Variants in CDS1 observed in about 807,000 individuals in gnomAD.
CDS1 encodes the protein CDP-diacylglycerol synthase 1.
A neutral mutation model predicts 62.1 loss-of-function variants in CDS1; 41 were observed. The observed-to-expected ratio is 0.66, with a 90% CI of 0.51 to 0.86. CDS1 has a LOEUF of 0.86. CDS1 is among the 40% of genes least tolerant of loss of function. CDS1 has a pLI of 0.00. For synonymous variants in CDS1, 185 were observed against 192.6 expected (o/e 0.96, Z 0.32); for missense variants, 470 against 550.1 (o/e 0.85, Z 1.46).
chr4:84,608,595 C>A (rs185251721), intron 2 of CDS1, among the ~76,000 whole-genome samples: 52 of 152,304 alleles, frequency 3.4e-4, no homozygotes, highest in African/African-American at 1.2e-3. Context: ...AGGTAACTGG[C>A]ACCTCACTCC....
At chr4:84,619,992 A>G (rs980218916) in intron 5 of CDS1, among the ~76,000 whole-genome samples, 2 of 147,740 alleles carry the variant, frequency 1.4e-5, no homozygotes, top group African/African-American at 5.0e-5. Context: ...AGATCACGCC[A>G]TTGCACTCCA....
rs1306580006 is a variant in CDS1, at chr4:84,645,400, T to C, written c.1256+75T>C. 4 of 928,390 alleles carry C rather than the reference T, an allele frequency of 4.3e-6. No homozygotes were observed. The African/African-American group carries it at 6.6e-5, about 15-fold the overall frequency. The allele number at this position is 928,390 out of a possible 1,614,324, so 57.5% of individuals were successfully genotyped here. On this transcript the variant is annotated intron_variant, in intron 12 of 12. Coordinates refer to ENST00000295887, the MANE Select transcript of CDS1 (RefSeq NM_001263.4). ...TTCCATCAACATTAGTTTGAGTAAG[T>C]TAACTTTTTCCGTCAATGGTAATCT...
rs1172881603 is a variant in CDS1 at position 84,599,913 on chromosome 4, TGGG to T, written c.118-4329_118-4327del. Among the ~76,000 whole-genome samples, 3 of 152,152 alleles carry T rather than the reference TGGG, an allele frequency of 2.0e-5. No homozygotes were observed. In the East Asian group the frequency reaches 5.8e-4, roughly 29 times the overall value. On this transcript the variant is annotated intron_variant, in intron 1 of 12. Transcript: ENST00000295887. ...GGTAAATACCTAGGAGTGAAATGGC[TGGG>T]TCAGTTGTTGGTTGTATATGTAATT...
intron 3 of CDS1, among the ~76,000 whole-genome samples, chr4:84,615,171 ATTTT>A (rs1253593512): frequency 2.0e-5 from 3 of 151,890 alleles, no homozygotes; most frequent in African/African-American, 7.3e-5. Context: ...CCTTGGTGTT[ATTTT>A]GTGTTCCCTT....
At chr4:84,599,395 CACACACACACATATATATATATATATAT>C (rs1357109892) in intron 1 of CDS1, among the ~76,000 whole-genome samples, 1 of 121,622 alleles carries the variant, frequency 8.2e-6, no homozygotes, top group African/African-American at 3.4e-5. Flanking sequence ...CAAATTTTGA[CACACACACACATATATATATATATATAT>C]ATATATATAT....
chr4:84,622,008 A>G (rs1213952096), intron 5 of CDS1, among the ~76,000 whole-genome samples: 1 of 152,214 alleles, frequency 6.6e-6, no homozygotes, highest in African/African-American at 2.4e-5. Flanking sequence ...TTATCAAAGC[A>G]CATTTGTGCA....
At chr4:84,627,278 A>G (rs1179430648) in intron 5 of CDS1, among the ~76,000 whole-genome samples, 1 of 152,202 alleles carries the variant, frequency 6.6e-6, no homozygotes, top group Non-Finnish European at 1.5e-5. Flanking sequence ...AAATTAAATG[A>G]CTTGTTTAAT....
chr4:84,618,912 C>T (rs745670475), intron 4 of CDS1, among the ~76,000 whole-genome samples: 7 of 152,034 alleles, frequency 4.6e-5, no homozygotes, highest in Non-Finnish European at 7.4e-5. Flanking sequence ...TGAGTAGTTA[C>T]GAGTTAATTT....
chr4:84,599,651 A>G (rs1000183194), intron 1 of CDS1, among the ~76,000 whole-genome samples: 2 of 151,788 alleles, frequency 1.3e-5, no homozygotes, highest in African/African-American at 4.9e-5. Context: ...TATATGTATT[A>G]CATGTACATT....
rs138601740 is a variant in CDS1, at chr4:84,620,889, C to T, written c.580+1356C>T. ...CAGCCTGACCAACATGGAGAAACCC[C>T]GTCTCTACTAAAAATACAGAATTAG... is the stretch of plus-strand genomic sequence containing the variant. On this transcript the variant is annotated intron_variant, in intron 5 of 12. Coordinates refer to ENST00000295887, the MANE Select transcript of CDS1 (RefSeq NM_001263.4). 1.5e-3 allele frequency among the ~76,000 whole-genome samples: 234 copies of T among 152,100 alleles called. 1 individual carries two copies. Among genetic ancestry groups the T allele is most frequent in the African/African-American group, 5.3e-3 (218 of 41,498 alleles).
chr4:84,639,035 AT>A (rs1195467398), intron 9 of CDS1, 43 bp downstream of exon 9: 1 of 935,842 alleles, frequency 1.1e-6, no homozygotes, highest in African/African-American at 1.7e-5. Context: ...ATTTCGAAAT[AT>A]GATACCAAGC....
intron 12 of CDS1, 58 bp from the exon 13 acceptor site, chr4:84,648,499 G>T (rs1026303347): frequency 6.5e-7 from 1 of 1,530,576 alleles, no homozygotes; most frequent in South Asian, 1.2e-5. Context: ...GGAGGTATGT[G>T]CTTCACTTAT....
chr4:84,626,983 T>C (rs755447502), intron 5 of CDS1, among the ~76,000 whole-genome samples: 7 of 152,176 alleles, frequency 4.6e-5, no homozygotes, highest in Non-Finnish European at 7.3e-5. Context: ...GAGTTAGACT[T>C]TGAAACAGGA....
Sources: gnomAD v4.1 joint callset for allele counts (sites outside exome capture counted in the v4.1 genomes callset) on GRCh38, gnomAD v4.1.1 for gene constraint, MANE v1.5 for transcripts, NCBI Gene and HGNC (gene_info 2026-07-23, HGNC 2026-07-21) for gene names.